Variants in SCARB2 observed in about 807,000 individuals in gnomAD.
SCARB2 encodes the protein lysosome membrane protein 2.
In SCARB2, 29 loss-of-function variants were observed where a neutral mutation model predicts 58.6. The observed-to-expected ratio is 0.49, with a 90% CI of 0.37 to 0.67. The LOEUF (loss-of-function observed/expected upper bound fraction) is 0.67. SCARB2 is among the 30% of genes least tolerant of loss of function. SCARB2 has a pLI of 0.00. For synonymous variants in SCARB2, 195 were observed against 210.1 expected, an observed-to-expected ratio of 0.93 and a Z score of 0.62; for missense variants, 488 against 578.5, an observed-to-expected ratio of 0.84 and a Z score of 1.60.
upstream of SCARB2, chr4:76,214,362 C>T (rs1733158941): frequency 4.4e-6 from 2 of 449,676 alleles, no homozygotes; most frequent in East Asian, 1.4e-4. Flanking sequence ...ACGTAAGGGG[C>T]ATGTGCAAGA....
rs139850630 is a variant in SCARB2 at position 76,198,054 on chromosome 4, G to C, written c.118-2190C>G. On this transcript the variant is annotated intron_variant, in intron 1 of 11. Coordinates refer to ENST00000264896, the MANE Select transcript of SCARB2 (RefSeq NM_005506.4). ...GCGAGCCTGATGCTGCCTCAGCTGCGGTCTGCTCTGCTGCAAAGGCCCAGG... is the reference window on the plus strand; with the variant it reads ...GCGAGCCTGATGCTGCCTCAGCTGCCGTCTGCTCTGCTGCAAAGGCCCAGG... Among the ~76,000 whole-genome samples, 13 of 152,090 alleles carry C rather than the reference G, an allele frequency of 8.5e-5. 1 individual carries two copies. The highest frequency in any genetic ancestry group is 3.1e-4 in the African/African-American group (13 of 41,510).
At chr4:76,233,554 G>C (rs1423004523) in intron 1 of SCARB2, among the ~76,000 whole-genome samples, 1 of 143,434 alleles carries the variant, frequency 7.0e-6, no homozygotes, top group Non-Finnish European at 1.5e-5. Context: ...AAATTAATTA[G>C]AGCTCTTTTT....
rs556401126 is a variant in SCARB2, at chr4:76,212,491, G to A, written c.117+936C>T. 7.3e-4 allele frequency among the ~76,000 whole-genome samples: 111 copies of A among 152,334 alleles called. No homozygotes were observed. The South Asian group carries it at 8.1e-3, about 11-fold the overall frequency. ...GTGATTCAAAGTAGACTAGGCCTGG[G>A]CTTTTTTATCTGGCCGCAGCAAGTG... is the stretch of plus-strand genomic sequence containing the variant. On this transcript the variant is annotated intron_variant, in intron 1 of 11. Transcript: ENST00000264896.
intron 2 of SCARB2, among the ~76,000 whole-genome samples, chr4:76,188,046 A>C (rs1365348291): frequency 6.6e-6 from 1 of 152,206 alleles, no homozygotes; most frequent in African/African-American, 2.4e-5. Context: ...ATTTCACGGG[A>C]TACTGTAAAT....
chr4:76,233,310 A>G (rs1448297733), intron 1 of SCARB2, among the ~76,000 whole-genome samples: 1 of 152,198 alleles, frequency 6.6e-6, no homozygotes, highest in Non-Finnish European at 1.5e-5. Flanking sequence ...CCAGCAAGTC[A>G]TATTTCTCAA....
rs771428225 is a variant in SCARB2, at chr4:76,161,666, C to T, written c.*47G>A. On this transcript the variant is annotated 3_prime_UTR_variant, in exon 12 of 12. Transcript: ENST00000264896. ...TGGAGGGTTTCCCCACGTCATCGTC[C>T]AGGTCAGGACAGCTCACACAGTTTC... is the stretch of plus-strand genomic sequence containing the variant. 3 of 1,606,122 alleles carry T rather than the reference C, an allele frequency of 1.9e-6. No individual in the cohort carries two copies. Among genetic ancestry groups the T allele is most frequent in the East Asian group, 4.5e-5 (2 of 44,838 alleles).
In SCARB2 at chr4:76,160,196, A is replaced by C. The variant is rs1731868204; in HGVS notation, c.*1517T>G. 6.6e-6 allele frequency: 1 copy of C among 152,234 alleles called. No individual in the cohort carries two copies. Among genetic ancestry groups the C allele is most frequent in the African/African-American group, 2.4e-5 (1 of 41,458 alleles). 9.4% of individuals were successfully genotyped at this position (152,234 alleles called of 1,614,324 possible). ...TTTATTACCTCAATACAGGGATAAG[A>C]AGCTATGGAAATGAAATCTATATTT... On this transcript the variant is annotated 3_prime_UTR_variant, in exon 12 of 12. Transcript: ENST00000264896.
At chr4:76,177,742 A>C (rs763607602) in intron 4 of SCARB2, among the ~76,000 whole-genome samples, 7 of 152,222 alleles carry the variant, frequency 4.6e-5, no homozygotes, top group Admixed American at 1.3e-4. Flanking sequence ...ATGAACCCTG[A>C]CAACATTACA....
chr4:76,208,828 A>G (rs965142693), intron 1 of SCARB2, among the ~76,000 whole-genome samples: 1 of 152,224 alleles, frequency 6.6e-6, no homozygotes, highest in South Asian at 2.1e-4. Context: ...TGTGGTCTGT[A>G]AGGACAATGT....
intron 1 of SCARB2, among the ~76,000 whole-genome samples, chr4:76,203,435 T>C (rs540161016): frequency 6.6e-5 from 10 of 152,368 alleles, no homozygotes; most frequent in African/African-American, 1.9e-4. Flanking sequence ...AATATTGGTG[T>C]TTAAGGTTTT....
chr4:76,222,021 A>G (rs149848176), intron 1 of SCARB2, among the ~76,000 whole-genome samples: 56 of 152,360 alleles, frequency 3.7e-4, no homozygotes, highest in African/African-American at 1.3e-3. Context: ...CACCTGGTAT[A>G]CTAATATCTC....
intron 1 of SCARB2, among the ~76,000 whole-genome samples, chr4:76,219,210 A>G (rs1733266205): frequency 6.6e-6 from 1 of 152,238 alleles, no homozygotes; most frequent in South Asian, 2.1e-4. Context: ...CTGGGCATCC[A>G]GGAGGGGCAC....
intron 1 of SCARB2, among the ~76,000 whole-genome samples, chr4:76,220,028 C>T (rs1318296028): frequency 6.6e-6 from 1 of 152,182 alleles, no homozygotes. Flanking sequence ...GCTTCAATTG[C>T]ACTGCAAGCT....
In SCARB2 at chr4:76,176,420, TA is replaced by T; in HGVS notation, c.704+16del. 2 of 1,553,710 alleles carry T rather than the reference TA, an allele frequency of 1.3e-6. No individual in the cohort carries two copies. The highest frequency in any genetic ancestry group is 1.8e-6 in the Non-Finnish European group (2 of 1,126,178). On this transcript the variant is annotated intron_variant, in intron 5 of 11. Transcript: ENST00000264896. Reference sequence around the variant, plus strand: ...AAAACTGAAAAAATAATTCCACTGATAAATCATTTGACTTACGTTTTCCCAT... The same window carrying T: ...AAAACTGAAAAAATAATTCCACTGATAATCATTTGACTTACGTTTTCCCAT...
chr4:76,220,885 C>G (rs1176552964), intron 1 of SCARB2, among the ~76,000 whole-genome samples: 1 of 152,154 alleles, frequency 6.6e-6, no homozygotes, highest in Non-Finnish European at 1.5e-5. Flanking sequence ...CACCTGGGAT[C>G]AGCTGGGACC....
At chr4:76,199,174 G>A (rs950371180) in intron 1 of SCARB2, among the ~76,000 whole-genome samples, 4 of 152,142 alleles carry the variant, frequency 2.6e-5, no homozygotes, top group Non-Finnish European at 5.9e-5. Context: ...GGTGGCACTG[G>A]CTGTCCCAAG....
chr4:76,182,935 C>CAT (rs34561768), intron 2 of SCARB2, among the ~76,000 whole-genome samples: 16,643 of 152,180 alleles, frequency 0.11, 1,118 homozygotes, highest in East Asian at 0.21. Context: ...ATGCCAAATA[C>CAT]ATCACTTTCA....
chr4:76,200,079 T>C (rs940905796), intron 1 of SCARB2, among the ~76,000 whole-genome samples: 3 of 152,220 alleles, frequency 2.0e-5, no homozygotes, highest in African/African-American at 4.8e-5. Context: ...AAGTTATTCA[T>C]TCCGCCAGAT....
chr4:76,234,071 A>C (rs1173879557), intron 1 of SCARB2, among the ~76,000 whole-genome samples: 1 of 152,240 alleles, frequency 6.6e-6, no homozygotes, highest in Non-Finnish European at 1.5e-5. Flanking sequence ...GTGTGGCAGA[A>C]AACACCAGCC....
Sources: gnomAD v4.1 joint callset for allele counts (sites outside exome capture counted in the v4.1 genomes callset) on GRCh38, gnomAD v4.1.1 for gene constraint, MANE v1.5 for transcripts, NCBI Gene and HGNC (gene_info 2026-07-23, HGNC 2026-07-21) for gene names.